The following MGAT4C variants were observed in gnomAD, a reference collection of about 807,000 sequenced individuals.
MGAT4C encodes alpha-1,3-mannosyl-glycoprotein 4-beta-N-acetylglucosaminyltransferase C.
Under a neutral mutation model 40.1 loss-of-function variants are expected in MGAT4C, and 19 were observed. The ratio of observed to expected loss-of-function variants is 0.47; its 90% CI spans 0.33 to 0.70. The LOEUF (loss-of-function observed/expected upper bound fraction) is 0.70. Ranked by LOEUF, MGAT4C falls within the 30% of genes least tolerant of loss-of-function variation. The probability of loss-of-function intolerance (pLI) is 0.02; values close to 1 mark genes in which losing one functional copy is unlikely to be tolerated. For missense variants in MGAT4C, 491 were observed against 563.2 expected (o/e 0.87, Z 1.30); for synonymous variants, 181 against 187.1 (o/e 0.97, Z 0.27).
At chr12:86,487,159 G>A (rs1958034259) in intron 2 of MGAT4C, among the ~76,000 whole-genome samples, 1 of 152,114 alleles carries the variant, frequency 6.6e-6, no homozygotes, top group Non-Finnish European at 1.5e-5. Flanking sequence ...TAGCAATGGA[G>A]TCATTTGGTA....
chr12:86,040,726 C>T (rs1891731785), intron 2 of MGAT4C, among the ~76,000 whole-genome samples: 2 of 121,210 alleles, frequency 1.7e-5, no homozygotes, highest in African/African-American at 6.6e-5. Flanking sequence ...AAAAAACAAA[C>T]AAACAAACAA....
At chr12:86,602,222 G>A (rs1456734800) in intron 2 of MGAT4C, among the ~76,000 whole-genome samples, 1 of 152,066 alleles carries the variant, frequency 6.6e-6, no homozygotes, top group African/African-American at 2.4e-5. Context: ...ACAGCCTGCC[G>A]GGCCAAGTGG....
intron 2 of MGAT4C, among the ~76,000 whole-genome samples, chr12:86,554,296 C>T (rs1376860108): frequency 1.3e-5 from 2 of 152,184 alleles, no homozygotes; most frequent in Admixed American, 6.5e-5. Context: ...CTATCCCTGA[C>T]ATGCCACTGA....
chr12:86,394,498 T>TATAAC (rs879557018), intron 3 of MGAT4C, among the ~76,000 whole-genome samples: 1 of 145,950 alleles, frequency 6.9e-6, no homozygotes. Flanking sequence ...ACTTTATATA[T>TATAAC]ATATTTTTTA....
At chr12:86,216,681 G>C (rs887517552) in intron 1 of MGAT4C, among the ~76,000 whole-genome samples, 2 of 152,112 alleles carry the variant, frequency 1.3e-5, no homozygotes, top group African/African-American at 4.8e-5. Context: ...TTCAAAATAA[G>C]TGCTTATATA....
chr12:86,562,828 C>T (rs887816888), intron 2 of MGAT4C, among the ~76,000 whole-genome samples: 9 of 152,226 alleles, frequency 5.9e-5, no homozygotes, highest in South Asian at 2.1e-4. Context: ...CATAAAGTTG[C>T]ATCAAATTGA....
chr12:86,771,695 T>C (rs1426538784), intron 1 of MGAT4C, among the ~76,000 whole-genome samples: 2 of 68,752 alleles, frequency 2.9e-5, no homozygotes, highest in East Asian at 8.0e-4. Context: ...TATGTGTGTG[T>C]GTGTGTGTGT....
chr12:86,014,357 C>G (rs1297459792), intron 2 of MGAT4C, among the ~76,000 whole-genome samples: 2 of 152,124 alleles, frequency 1.3e-5, no homozygotes, highest in East Asian at 3.9e-4. Context: ...GGATGATCCG[C>G]CCTTGAGGAG....
intron 1 of MGAT4C, among the ~76,000 whole-genome samples, chr12:86,251,962 T>C (rs954633712): frequency 1.3e-5 from 2 of 152,050 alleles, no homozygotes; most frequent in Non-Finnish European, 2.9e-5. Flanking sequence ...TAAAATTAAT[T>C]CATGGATATA....
chr12:86,366,983 A>T (rs1955612278), intron 3 of MGAT4C, among the ~76,000 whole-genome samples: 1 of 152,164 alleles, frequency 6.6e-6, no homozygotes, highest in African/African-American at 2.4e-5. Context: ...AAAGTCCTAC[A>T]GCTGGCATCA....
At chr12:86,700,174 C>CAGATAGATAGAT (rs1451228380) in intron 2 of MGAT4C, among the ~76,000 whole-genome samples, 71 of 140,862 alleles carry the variant, frequency 5.0e-4, no homozygotes, top group East Asian at 2.1e-3. Context: ...GACAGACAGA[C>CAGATAGATAGAT]AGACAGATAG....
chr12:86,387,040 G>T (rs1956064757), intron 3 of MGAT4C, among the ~76,000 whole-genome samples: 1 of 151,982 alleles, frequency 6.6e-6, no homozygotes, highest in Non-Finnish European at 1.5e-5. Flanking sequence ...CTATAAATTG[G>T]CTTAAATATT....
Position 86,038,891 on chromosome 12 carries a change from A to T in MGAT4C, c.-7+10783T>A, listed in dbSNP as rs376527762. ...GTACCAGTTGATCCTTTCCATATTT[A>T]ATGCTTCCTTCAGGAGCTCTTGTAA... On this transcript the variant is annotated intron_variant, in intron 2 of 4. Coordinates refer to ENST00000611864, the MANE Select transcript of MGAT4C (RefSeq NM_001351288.2). Among the ~76,000 whole-genome samples, 271 of 150,114 alleles carry T rather than the reference A, an allele frequency of 1.8e-3. 27 individuals carry two copies. The highest frequency in any genetic ancestry group is 2.4e-3 in the Non-Finnish European group (163 of 66,918).
At chr12:86,118,324 A>G (rs1477819399) in intron 1 of MGAT4C, among the ~76,000 whole-genome samples, 1 of 152,184 alleles carries the variant, frequency 6.6e-6, no homozygotes. Flanking sequence ...TCCAAATGTT[A>G]TAGATGACAA....
chr12:86,762,076 G>C (rs1346445995), intron 1 of MGAT4C, among the ~76,000 whole-genome samples: 1 of 151,172 alleles, frequency 6.6e-6, no homozygotes, highest in Non-Finnish European at 1.5e-5. Context: ...TTCTTAGACA[G>C]GGTCTTGCTT....
At chr12:86,546,182 GTA>G (rs971622569) in intron 2 of MGAT4C, among the ~76,000 whole-genome samples, 1 of 151,858 alleles carries the variant, frequency 6.6e-6, no homozygotes, top group Non-Finnish European at 1.5e-5. Flanking sequence ...GCTTGTTTAT[GTA>G]TTTTGCTTTA....
chr12:86,085,765 T>C (rs1356982743), intron 1 of MGAT4C, among the ~76,000 whole-genome samples: 1 of 152,298 alleles, frequency 6.6e-6, no homozygotes, highest in East Asian at 1.9e-4. Context: ...AATACATTTA[T>C]GCAGCCAACA....
rs571765840 is a variant in MGAT4C at position 86,013,844 on chromosome 12, T to C, written c.-6-24292A>G. ...ATATTATCATTTTCCATCATTCTAT[T>C]CAAGCTTTTCTTCTTTTTCTTTGTT... On this transcript the variant is annotated intron_variant, in intron 2 of 4. Coordinates refer to ENST00000611864, the MANE Select transcript of MGAT4C (RefSeq NM_001351288.2). 3 of 770,418 alleles carry C rather than the reference T, an allele frequency of 3.9e-6. No individual in the cohort carries two copies. The South Asian group carries it at 1.8e-4, about 45-fold the overall frequency. 47.7% of individuals were successfully genotyped at this position (770,418 alleles called of 1,614,324 possible). A position where few individuals can be genotyped will look rare whatever the true frequency, so the allele number is the denominator to read the frequency against.
At position 85,978,914 on chromosome 12, in the gene MGAT4C, T is replaced by C. The variant is rs1011941508; in HGVS notation, c.*375A>G. The C allele has an allele frequency of 3.2e-5, 5 of 157,506 alleles. No homozygotes were observed. Among genetic ancestry groups the C allele is most frequent in the Non-Finnish European group, 7.0e-5 (5 of 71,496 alleles). The allele number at this position is 157,506 out of a possible 1,614,324, so 9.8% of individuals were successfully genotyped here. A position where few individuals can be genotyped will look rare whatever the true frequency, so the allele number is the denominator to read the frequency against. On this transcript the variant is annotated 3_prime_UTR_variant, in exon 5 of 5. Coordinates refer to ENST00000611864, the MANE Select transcript of MGAT4C (RefSeq NM_001351288.2). ...TAATAAAAGCTATCTGATGATATAATGAATTATCAGTTCTTGAGGAAGTAT... is the reference window on the plus strand; with the variant it reads ...TAATAAAAGCTATCTGATGATATAACGAATTATCAGTTCTTGAGGAAGTAT...
Sources: gnomAD v4.1 joint callset for allele counts (sites outside exome capture counted in the v4.1 genomes callset) on GRCh38, gnomAD v4.1.1 for gene constraint, MANE v1.5 for transcripts, NCBI Gene and HGNC (gene_info 2026-07-23, HGNC 2026-07-21) for gene names.